The following KNDC1 variants were observed in gnomAD, a reference collection of about 807,000 sequenced individuals.
KNDC1 encodes the protein kinase non-catalytic C-lobe domain-containing protein 1.
Under a neutral mutation model 172.8 loss-of-function variants are expected in KNDC1, and 106 were observed. The observed-to-expected ratio is 0.61, with a 90% CI of 0.52 to 0.72. The LOEUF is 0.72. KNDC1 is among the 30% of genes least tolerant of loss of function. The pLI is 0.00. For missense variants in KNDC1, 2,325 were observed against 2,394.5 expected (o/e 0.97, Z 0.61); for synonymous variants, 1,083 against 1,062.2 (o/e 1.02, Z -0.38).
Position 133,170,122 on chromosome 10 carries a change from C to T in KNDC1, c.360+1810C>T, listed in dbSNP as rs116336301. Among the ~76,000 whole-genome samples, 488 of 152,336 alleles carry T rather than the reference C, an allele frequency of 3.2e-3. 4 individuals carry two copies. The highest frequency in any genetic ancestry group is 0.011 in the African/African-American group (462 of 41,570). The stretch of plus-strand genomic sequence containing the variant: ...CTGTGTGTTATCCCGTCGGGTGAAA[C>T]GCTACATTTAAATCCCCGCTTGTGA... On this transcript the variant is annotated intron_variant, in intron 3 of 29. Transcript: ENST00000304613.
Position 133,198,561 on chromosome 10 carries a change from C to G in KNDC1, c.2070-17C>G. 6.3e-7 allele frequency: 1 copy of G among 1,579,966 alleles called. No individual in the cohort carries two copies. The highest frequency in any genetic ancestry group is 1.2e-5 in the South Asian group (1 of 86,644). Reference sequence around the variant, plus strand: ...CCGGGCGCAGGCAGCCCCTCCTGAGCTCTGCTCCTCCCGTAGGGACCAGCC... The same window carrying G: ...CCGGGCGCAGGCAGCCCCTCCTGAGGTCTGCTCCTCCCGTAGGGACCAGCC... On this transcript the variant is annotated splice_polypyrimidine_tract_variant and intron_variant, in intron 13 of 29. Coordinates refer to ENST00000304613, the MANE Select transcript of KNDC1 (RefSeq NM_152643.8).
intron 1 of KNDC1, among the ~76,000 whole-genome samples, chr10:133,162,081 A>G (rs935391131): frequency 6.6e-6 from 1 of 152,196 alleles, no homozygotes; most frequent in Non-Finnish European, 1.5e-5. Flanking sequence ...ACGTCCACCA[A>G]GGCCTCCAGG....
Position 133,211,582 on chromosome 10 carries a change from C to T in KNDC1, c.4056+13C>T, listed in dbSNP as rs1228078791. On this transcript the variant is annotated intron_variant, in intron 22 of 29. Coordinates refer to ENST00000304613, the MANE Select transcript of KNDC1 (RefSeq NM_152643.8). ...CATCTCCTCCAAGGTGACAGTGGCG[C>T]TGAGCTGGGCGGCCGCACCCGGGGC... 1 of 1,609,662 alleles carries T rather than the reference C, an allele frequency of 6.2e-7. No individual in the cohort carries two copies. The highest frequency in any genetic ancestry group is 1.1e-5 in the South Asian group (1 of 90,854).
chr10:133,222,714 C>T (rs1454374356), intron 29 of KNDC1, among the ~76,000 whole-genome samples: 1 of 12,398 alleles, frequency 8.1e-5, no homozygotes, highest in African/African-American at 2.1e-4. Context: ...CTCTTCCCGG[C>T]GTGTGTGTGC....
chr10:133,210,653 C>T lies in KNDC1; in HGVS notation c.3837C>T (p.Thr1279=), dbSNP rs1845345723. 5 of 1,613,956 alleles carry T rather than the reference C, an allele frequency of 3.1e-6. No homozygotes were observed. Among genetic ancestry groups the T allele is most frequent in the Non-Finnish European group, 4.2e-6 (5 of 1,179,960 alleles). The change falls in exon 21 of 30, where the codon ACC becomes ACT. Residue 1279 remains threonine, a synonymous_variant. Coordinates refer to ENST00000304613, the MANE Select transcript of KNDC1 (RefSeq NM_152643.8). ...LEGYVQQFLY[T]FRYFCTPHDF... ...GTTATGTGCAGCAATTCCTCTACACCTTCCGCTACTTCTGCACACCCCACG... is the reference window on the plus strand; with the variant it reads ...GTTATGTGCAGCAATTCCTCTACACTTTCCGCTACTTCTGCACACCCCACG...
intron 21 of KNDC1, 62 bp from the exon 22 acceptor site, chr10:133,211,360 C>A: frequency 6.5e-7 from 1 of 1,533,184 alleles, no homozygotes; most frequent in Non-Finnish European, 8.8e-7. Context: ...ACATGCAAGC[C>A]CCTGGGCCTC....
intron 29 of KNDC1, among the ~76,000 whole-genome samples, chr10:133,221,494 C>T (rs1830541775): frequency 6.6e-6 from 1 of 152,162 alleles, no homozygotes; most frequent in Non-Finnish European, 1.5e-5. Context: ...CTCACTCTCT[C>T]CCTCAAGACA....
chr10:133,160,919 A>G (rs1191169890), intron 1 of KNDC1, among the ~76,000 whole-genome samples: 2 of 151,938 alleles, frequency 1.3e-5, no homozygotes, highest in African/African-American at 4.8e-5. Context: ...GCAGAGCAGC[A>G]GAGTCCAATC....
At chr10:133,188,508 C>A in intron 6 of KNDC1, 31 bp from the exon 7 acceptor site, 1 of 1,432,554 alleles carries the variant, frequency 7.0e-7, no homozygotes, top group Non-Finnish European at 9.6e-7. Context: ...AAGGGGTGTC[C>A]ACACTGACCT....
intron 6 of KNDC1, among the ~76,000 whole-genome samples, chr10:133,187,617 C>G (rs556972098): frequency 6.6e-6 from 1 of 152,202 alleles, no homozygotes; most frequent in Non-Finnish European, 1.5e-5. Flanking sequence ...CAACAGCCTA[C>G]CTTCCCGAAG....
At position 133,186,756 on chromosome 10, in the gene KNDC1, C is replaced by T; in HGVS notation, c.1326+82C>T. 4.3e-6 allele frequency: 4 copies of T among 927,340 alleles called. No homozygotes were observed. The South Asian group carries it at 5.1e-5, about 12-fold the overall frequency. The allele number at this position is 927,340 out of a possible 1,614,324, so 57.4% of individuals were successfully genotyped here. A position where few individuals can be genotyped will look rare whatever the true frequency, so the allele number is the denominator to read the frequency against. ...CCGGGCCTCTCCACAGATGCAAACGCTTTGTTTAACTCAGAGAATTAACCT... is the reference window on the plus strand; with the variant it reads ...CCGGGCCTCTCCACAGATGCAAACGTTTTGTTTAACTCAGAGAATTAACCT... On this transcript the variant is annotated intron_variant, in intron 6 of 29. Coordinates refer to ENST00000304613, the MANE Select transcript of KNDC1 (RefSeq NM_152643.8).
chr10:133,184,221 AT>A, intron 5 of KNDC1, among the ~76,000 whole-genome samples: 1 of 60,230 alleles, frequency 1.7e-5, no homozygotes, highest in South Asian at 1.5e-3. Context: ...GCACACACCC[AT>A]GCACACACAC....
chr10:133,202,168 G>A (rs1041315568), intron 17 of KNDC1: 18 of 688,458 alleles, frequency 2.6e-5, no homozygotes, highest in Middle Eastern at 2.3e-4. Context: ...ATGGTCGCCC[G>A]GGCGATGGGT....
chr10:133,198,534 TC>T, intron 13 of KNDC1, 35 bp downstream of exon 13: 2 of 1,582,572 alleles, frequency 1.3e-6, no homozygotes, highest in Non-Finnish European at 8.6e-7. Context: ...AGCTGCTGGG[TC>T]CCGGGCGCAG....
chr10:133,220,181 G>A, intron 29 of KNDC1, 69 bp downstream of exon 29: 2 of 1,343,206 alleles, frequency 1.5e-6, no homozygotes, highest in Admixed American at 2.9e-5. Context: ...GCCCAGGAGA[G>A]GAGGGGCTCA....
intron 3 of KNDC1, among the ~76,000 whole-genome samples, chr10:133,181,985 G>A (rs971328889): frequency 6.6e-6 from 1 of 152,168 alleles, no homozygotes; most frequent in African/African-American, 2.4e-5. Context: ...AGACATCTCA[G>A]GAGAAAAAGG....
intron 21 of KNDC1, among the ~76,000 whole-genome samples, chr10:133,210,974 G>A (rs1194601617): frequency 6.6e-6 from 1 of 152,146 alleles, no homozygotes; most frequent in African/African-American, 2.4e-5. Flanking sequence ...GGGGGAGTCG[G>A]GGTCTCTTCC....
At position 133,201,527 on chromosome 10, in the gene KNDC1, A is replaced by AC; in HGVS notation, c.3018dup (p.Ser1007GlnfsTer43). On this transcript the variant is annotated frameshift_variant, in exon 17 of 30. Coordinates refer to ENST00000304613, the MANE Select transcript of KNDC1 (RefSeq NM_152643.8). LOFTEE classifies it high-confidence loss of function. The stretch of plus-strand genomic sequence containing the variant: ...AAAAGAGAAGCCAGCCATGGCCAGG[A>AC]CCAGCAGCAGGGCCCCCTGCTCACC... The AC allele has an allele frequency of 6.2e-7, 1 of 1,608,626 alleles. No individual in the cohort carries two copies. The highest frequency in any genetic ancestry group is 8.5e-7 in the Non-Finnish European group (1 of 1,178,518).
Position 133,209,715 on chromosome 10 carries a change from G to T in KNDC1, c.3795-896G>T, listed in dbSNP as rs865963660. Among the ~76,000 whole-genome samples the T allele has an allele frequency of 6.6e-6, 1 of 152,028 alleles. No individual in the cohort carries two copies. Among genetic ancestry groups the T allele is most frequent in the African/African-American group, 2.4e-5 (1 of 41,356 alleles). On this transcript the variant is annotated intron_variant, in intron 20 of 29. Coordinates refer to ENST00000304613, the MANE Select transcript of KNDC1 (RefSeq NM_152643.8). This position sits in a 1 kb window ranked among gnomAD's most constrained non-coding sequence, Gnocchi z 4.9. ...TCCCCGCTCTGTGGACCTGGTGGGC[G>T]TCACCTTTGCAGGGCAGCCTGGGGC...
Sources: gnomAD v4.1 joint callset for allele counts (sites outside exome capture counted in the v4.1 genomes callset) on GRCh38, gnomAD v4.1.1 for gene constraint, Gnocchi (gnomAD v3.1) non-coding constraint, MANE v1.5 for transcripts, NCBI Gene and HGNC (gene_info 2026-07-23, HGNC 2026-07-21) for gene names.